AATF: variants seen among roughly 807,000 people sequenced by gnomAD.
AATF encodes protein AATF.
In AATF, 48 loss-of-function variants were observed where a neutral mutation model predicts 63.7. The ratio of observed to expected loss-of-function variants is 0.75; its 90% CI spans 0.60 to 0.96. The LOEUF (loss-of-function observed/expected upper bound fraction) is 0.96. Ranked by LOEUF, AATF falls within the 40% of genes least tolerant of loss-of-function variation. AATF has a pLI of 0.00. For synonymous variants in AATF, 258 were observed against 247.7 expected (o/e 1.04, Z -0.39); for missense variants, 639 against 685.7 (o/e 0.93, Z 0.76).
chr17:36,959,877 A>G (rs1244332257), intron 4 of AATF, among the ~76,000 whole-genome samples: 1 of 152,190 alleles, frequency 6.6e-6, no homozygotes, highest in East Asian at 1.9e-4. Flanking sequence ...TTACTTTCCT[A>G]AGAGTATGAA....
chr17:36,989,154 C>T (rs1004200895), intron 6 of AATF, 93 bp from the exon 7 acceptor site: 4 of 1,368,938 alleles, frequency 2.9e-6, no homozygotes, highest in African/African-American at 1.5e-5. Context: ...GATTTTCTAT[C>T]TCTCTGCTGA....
At chr17:37,029,284 C>T (rs1034158049) in intron 10 of AATF, among the ~76,000 whole-genome samples, 1 of 151,940 alleles carries the variant, frequency 6.6e-6, no homozygotes, top group Admixed American at 6.6e-5. Context: ...TGCTCTGTCA[C>T]CCAGGCTGGA....
intron 8 of AATF, among the ~76,000 whole-genome samples, chr17:36,993,151 T>C (rs1399213552): frequency 2.0e-5 from 3 of 152,214 alleles, no homozygotes; most frequent in African/African-American, 7.2e-5. Context: ...TACCACTCTT[T>C]GGCAGCGGGC....
Position 36,990,827 on chromosome 17 carries a change from A to G in AATF, c.1368A>G (p.Glu456=). The G allele has an allele frequency of 6.3e-7, 1 of 1,594,150 alleles. No individual in the cohort carries two copies. The highest frequency in any genetic ancestry group is 8.5e-7 in the Non-Finnish European group (1 of 1,173,390). The change falls in exon 8 of 12, where the codon GAA becomes GAG. Residue 456 remains glutamate, a synonymous_variant. Transcript: ENST00000619387. ...CTCATCTGAAGGACTTGGATGAAGA[A>G]ATCTTTGATGATGATGACTTTTACC... ...ANAHLKDLDE[E]IFDDDDFYHQ...
intron 4 of AATF, among the ~76,000 whole-genome samples, chr17:36,959,094 G>A (rs1319281714): frequency 6.6e-6 from 1 of 151,896 alleles, no homozygotes; most frequent in Non-Finnish European, 1.5e-5. Flanking sequence ...GCAGTGAGGC[G>A]AGATTGCGCC....
At chr17:37,020,618 G>A (rs1296098742) in intron 9 of AATF, among the ~76,000 whole-genome samples, 1 of 152,140 alleles carries the variant, frequency 6.6e-6, no homozygotes, top group African/African-American at 2.4e-5. Context: ...AACATTAAAA[G>A]AAAACCCAAG....
Position 37,006,665 on chromosome 17 carries a change from G to A in AATF, c.1399-12340G>A, listed in dbSNP as rs879401466. Among the ~76,000 whole-genome samples, 5 of 152,294 alleles carry A rather than the reference G, an allele frequency of 3.3e-5. No individual in the cohort carries two copies. The South Asian group carries it at 8.3e-4, about 25-fold the overall frequency. On this transcript the variant is annotated intron_variant, in intron 8 of 11. Transcript: ENST00000619387. ...TTAATAATTAGACATTGGGAGACAC[G>A]ATATATCATGCCTAATGGAAATATA...
chr17:37,026,469 A>T (rs2071511921), intron 10 of AATF, among the ~76,000 whole-genome samples: 1 of 152,254 alleles, frequency 6.6e-6, no homozygotes, highest in Admixed American at 6.5e-5. Context: ...TAATCAGTTT[A>T]CATGCGGAGG....
In AATF at chr17:36,994,850, A is replaced by G. The variant is rs747956228; in HGVS notation, c.1398+3993A>G. Among the ~76,000 whole-genome samples, 32 of 152,346 alleles carry G rather than the reference A, an allele frequency of 2.1e-4. 1 individual carries two copies. The South Asian group carries it at 5.0e-3, about 24-fold the overall frequency. ...AATCAGGGAAGGACCAGGATTTGCT[A>G]AACACTAGTGGCGTGCCAGTCCCTG... On this transcript the variant is annotated intron_variant, in intron 8 of 11. Transcript: ENST00000619387.
intron 8 of AATF, 138 bp from the exon 9 acceptor site, chr17:37,018,867 C>A: frequency 1.5e-6 from 1 of 684,432 alleles, no homozygotes; most frequent in East Asian, 2.6e-5. Context: ...TTCAGTAATG[C>A]TCTTGCCACT....
intron 4 of AATF, among the ~76,000 whole-genome samples, chr17:36,976,243 A>G (rs950336725): frequency 5.7e-4 from 87 of 152,214 alleles, no homozygotes; most frequent in African/African-American, 2.0e-3. Context: ...AAACTGTGCA[A>G]TTGTTTTTTA....
At chr17:37,031,531 A>G (rs1251273739) in intron 10 of AATF, 83 bp from the exon 11 acceptor site, 1 of 1,115,222 alleles carries the variant, frequency 9.0e-7, no homozygotes, top group Non-Finnish European at 1.4e-6. Context: ...TCAGTTCTGG[A>G]GTTTGTTAAC....
At chr17:37,006,449 A>G (rs1421972107) in intron 8 of AATF, among the ~76,000 whole-genome samples, 1 of 152,210 alleles carries the variant, frequency 6.6e-6, no homozygotes, top group Non-Finnish European at 1.5e-5. Flanking sequence ...AGCCTGGGCA[A>G]CAAGAGCAAA....
At chr17:36,982,237 T>TG (rs1389837995) in intron 4 of AATF, among the ~76,000 whole-genome samples, 9 of 151,272 alleles carry the variant, frequency 5.9e-5, no homozygotes, top group East Asian at 3.9e-4. Flanking sequence ...TGTTTTGTTT[T>TG]TTTTTTTTTT....
chr17:36,964,376 G>A (rs374119409), intron 4 of AATF, among the ~76,000 whole-genome samples: 12 of 152,008 alleles, frequency 7.9e-5, no homozygotes, highest in African/African-American at 2.2e-4. Context: ...TCATGGTGGC[G>A]GGTGCCTGTA....
chr17:37,020,747 G>A (rs1052864926), intron 9 of AATF, among the ~76,000 whole-genome samples, 187 bp from the exon 10 acceptor site: 3 of 152,202 alleles, frequency 2.0e-5, no homozygotes, highest in African/African-American at 7.2e-5. Flanking sequence ...CCCAGCTGCC[G>A]TTTGTTTTTT....
chr17:36,987,560 T>C (rs936684911), intron 5 of AATF, among the ~76,000 whole-genome samples: 4 of 152,254 alleles, frequency 2.6e-5, no homozygotes, highest in Non-Finnish European at 4.4e-5. Flanking sequence ...TTTCACTTTT[T>C]ATCTACTGAA....
intron 4 of AATF, among the ~76,000 whole-genome samples, chr17:36,981,678 TTTCTTCTTC>T (rs756781425): frequency 6.6e-6 from 1 of 150,428 alleles, no homozygotes; most frequent in South Asian, 2.1e-4. Flanking sequence ...TTCTTTCTTC[TTTCTTCTTC>T]TTCTTCTTTC....
chr17:36,986,543 A>T, intron 4 of AATF, 74 bp from the exon 5 acceptor site: 1 of 1,242,014 alleles, frequency 8.1e-7, no homozygotes. Flanking sequence ...CTCAGGAGTC[A>T]TGAGTTATAG....
Sources: allele counts gnomAD v4.1 joint callset (sites outside exome capture counted in the v4.1 genomes callset), GRCh38; gene constraint gnomAD v4.1.1; transcripts MANE v1.5; gene names NCBI Gene and HGNC (gene_info 2026-07-23, HGNC 2026-07-21).